Variants in LRRC4C observed in about 807,000 individuals in gnomAD.
LRRC4C encodes leucine rich repeat containing 4C, also known as leucine-rich repeat-containing protein 4C.
In LRRC4C, 5 loss-of-function variants were observed where a neutral mutation model predicts 33.6. The observed-to-expected ratio is 0.15, with a 90% CI of 0.08 to 0.31. LRRC4C has a LOEUF of 0.31. Among genes scored for constraint, LRRC4C ranks in the 10% least tolerant of loss-of-function variants. LRRC4C has a pLI of 1.00. For missense variants in LRRC4C, 560 were observed against 796.7 expected (o/e 0.70, Z 3.58); for synonymous variants, 329 against 302.0 (o/e 1.09, Z -0.93).
intron 2 of LRRC4C, among the ~76,000 whole-genome samples, chr11:40,745,906 G>T (rs1565005943): frequency 1.3e-5 from 2 of 152,076 alleles, no homozygotes; most frequent in South Asian, 2.1e-4. Context: ...GTTTAAAAAG[G>T]CAATATATGA....
chr11:41,036,087 A>T (rs1857048411), intron 1 of LRRC4C, among the ~76,000 whole-genome samples: 1 of 149,610 alleles, frequency 6.7e-6, no homozygotes. Context: ...TAAAAAAAAA[A>T]CATGGTGACA....
intron 1 of LRRC4C, among the ~76,000 whole-genome samples, chr11:41,446,132 G>A (rs1325026702): frequency 6.6e-6 from 1 of 152,272 alleles, no homozygotes; most frequent in African/African-American, 2.4e-5. Flanking sequence ...AAGCTGCTCT[G>A]CAGTTGCAAA....
intron 2 of LRRC4C, among the ~76,000 whole-genome samples, chr11:40,899,366 C>T (rs1956110094): frequency 6.6e-6 from 1 of 152,172 alleles, no homozygotes; most frequent in African/African-American, 2.4e-5. Flanking sequence ...CGTGACCCTT[C>T]GTGTCCATCT....
intron 1 of LRRC4C, among the ~76,000 whole-genome samples, chr11:41,133,066 C>T (rs1044810851): frequency 1.3e-5 from 2 of 152,066 alleles, no homozygotes; most frequent in Admixed American, 1.3e-4. Flanking sequence ...GCCTGAAATA[C>T]TTTTTAGATA....
At chr11:40,711,861 C>T (rs1031440232) in intron 2 of LRRC4C, among the ~76,000 whole-genome samples, 1 of 152,092 alleles carries the variant, frequency 6.6e-6, no homozygotes, top group African/African-American at 2.4e-5. Context: ...TAATGAGAAG[C>T]CTAAGATAGA....
At chr11:40,232,532 C>G (rs1336633671) in intron 5 of LRRC4C, among the ~76,000 whole-genome samples, 1 of 152,118 alleles carries the variant, frequency 6.6e-6, no homozygotes, top group Non-Finnish European at 1.5e-5. Flanking sequence ...TAAAAAGTTG[C>G]TAATCAAATG....
At chr11:40,116,569 A>G (rs1476550824) in intron 6 of LRRC4C, among the ~76,000 whole-genome samples, 1 of 152,174 alleles carries the variant, frequency 6.6e-6, no homozygotes, top group East Asian at 1.9e-4. Context: ...TAAGGGGTCA[A>G]TGAGGTAGAG....
chr11:41,379,166 C>T (rs1275855093), intron 1 of LRRC4C, among the ~76,000 whole-genome samples: 1 of 152,100 alleles, frequency 6.6e-6, no homozygotes, highest in East Asian at 1.9e-4. Flanking sequence ...GAGCTCACCT[C>T]TTTTGGATTA....
At position 40,211,581 on chromosome 11, in the gene LRRC4C, T is replaced by C. The variant is rs1305003932; in HGVS notation, c.-96+29938A>G. Among the ~76,000 whole-genome samples, 3 of 152,192 alleles carry C rather than the reference T, an allele frequency of 2.0e-5. No individual in the cohort carries two copies. In the East Asian group the frequency reaches 5.8e-4, roughly 29 times the overall value. ...TAAATTTGCTCATTGTGTCCAAAGG[T>C]CATATTTCCCTTTGCTTTAGTAAAA... On this transcript the variant is annotated intron_variant, in intron 5 of 6. Coordinates refer to ENST00000528697, the MANE Select transcript of LRRC4C (RefSeq NM_001258419.2).
At chr11:40,410,119 A>T (rs1479550878) in intron 3 of LRRC4C, among the ~76,000 whole-genome samples, 1 of 152,056 alleles carries the variant, frequency 6.6e-6, no homozygotes, top group African/African-American at 2.4e-5. Context: ...TAGTTGTTAT[A>T]GAGACATCTA....
chr11:41,281,080 T>TCCC (rs1591146634), intron 1 of LRRC4C, among the ~76,000 whole-genome samples: 2 of 104,500 alleles, frequency 1.9e-5, no homozygotes, highest in Non-Finnish European at 1.8e-5. Flanking sequence ...CTCTCTGTCC[T>TCCC]CTCTCTCTCT....
At chr11:40,377,710 T>C (rs1948714314) in intron 3 of LRRC4C, among the ~76,000 whole-genome samples, 2 of 152,138 alleles carry the variant, frequency 1.3e-5, no homozygotes, top group South Asian at 4.1e-4. Flanking sequence ...ATGGAGAAAT[T>C]ATAAAATAAT....
At chr11:40,360,394 C>T (rs376669262) in intron 3 of LRRC4C, among the ~76,000 whole-genome samples, 4 of 152,056 alleles carry the variant, frequency 2.6e-5, no homozygotes, top group Non-Finnish European at 5.9e-5. Context: ...ACAAGAGGTC[C>T]GGGAAACTAC....
At chr11:41,327,817 C>T (rs927396820) in intron 1 of LRRC4C, among the ~76,000 whole-genome samples, 2 of 152,170 alleles carry the variant, frequency 1.3e-5, no homozygotes, top group Non-Finnish European at 1.5e-5. Context: ...CACTCTCTTG[C>T]CTGCTGCTAT....
At chr11:40,773,226 G>A (rs1437744748) in intron 2 of LRRC4C, among the ~76,000 whole-genome samples, 1 of 152,028 alleles carries the variant, frequency 6.6e-6, no homozygotes, top group African/African-American at 2.4e-5. Flanking sequence ...GGGTCACTGG[G>A]GAGTGAGAAT....
intron 1 of LRRC4C, among the ~76,000 whole-genome samples, chr11:41,206,483 C>CA (rs910153382): frequency 6.6e-6 from 1 of 152,116 alleles, no homozygotes; most frequent in Admixed American, 6.5e-5. Flanking sequence ...TCTGAAAGCT[C>CA]AAAAAAATCA....
intron 3 of LRRC4C, among the ~76,000 whole-genome samples, chr11:40,578,577 A>G (rs1958323768): frequency 6.6e-6 from 1 of 152,024 alleles, no homozygotes; most frequent in African/African-American, 2.4e-5. Context: ...CATAACACAC[A>G]CTGACTCCCT....
chr11:40,148,033 C>T lies in LRRC4C; in HGVS notation c.-95-7180G>A, dbSNP rs116253639. Among the ~76,000 whole-genome samples, 557 of 152,216 alleles carry T rather than the reference C, an allele frequency of 3.7e-3. 6 individuals are homozygous for T. Among genetic ancestry groups the T allele is most frequent in the African/African-American group, 0.012 (512 of 41,548 alleles). ...TCCTGTGCTACTTTGCTAAGAATAACGGCCTCCAGCTTCATCCATGTCCAT... is the reference window on the plus strand; with the variant it reads ...TCCTGTGCTACTTTGCTAAGAATAATGGCCTCCAGCTTCATCCATGTCCAT... On this transcript the variant is annotated intron_variant, in intron 5 of 6. Transcript: ENST00000528697.
chr11:40,254,435 T>G (rs886225511), intron 4 of LRRC4C, among the ~76,000 whole-genome samples: 4 of 152,160 alleles, frequency 2.6e-5, no homozygotes, highest in Admixed American at 6.5e-5. Flanking sequence ...ACTTGTACAT[T>G]TCTCTGCACA....
Sources: gnomAD v4.1 joint callset for allele counts (sites outside exome capture counted in the v4.1 genomes callset) on GRCh38, gnomAD v4.1.1 for gene constraint, MANE v1.5 for transcripts, NCBI Gene and HGNC (gene_info 2026-07-23, HGNC 2026-07-21) for gene names.